RGS6: variants seen among roughly 807,000 people sequenced by gnomAD.
RGS6 encodes the protein regulator of G protein signaling 6.
Under a neutral mutation model 78.5 loss-of-function variants are expected in RGS6, and 30 were observed. The ratio of observed to expected loss-of-function variants is 0.38; its 90% CI spans 0.29 to 0.52. RGS6 has a LOEUF of 0.52. Ranked by LOEUF, RGS6 falls within the 20% of genes least tolerant of loss-of-function variation. The pLI is 0.85. For synonymous variants in RGS6, 206 were observed against 206.0 expected, an observed-to-expected ratio of 1.00 and a Z score of 0.00; for missense variants, 495 against 609.7, an observed-to-expected ratio of 0.81 and a Z score of 1.98.
intron 2 of RGS6, among the ~76,000 whole-genome samples, chr14:71,976,104 A>G (rs1178501212): frequency 6.6e-6 from 1 of 151,140 alleles, no homozygotes; most frequent in Non-Finnish European, 1.5e-5. Context: ...AAACTTCTCT[A>G]TTTTGTCATT....
At chr14:72,010,002 A>C (rs1033002105) in intron 2 of RGS6, among the ~76,000 whole-genome samples, 1 of 152,256 alleles carries the variant, frequency 6.6e-6, no homozygotes, top group African/African-American at 2.4e-5. Flanking sequence ...CAGTGGCAGC[A>C]GCCTGCCTTA....
intron 3 of RGS6, among the ~76,000 whole-genome samples, chr14:72,394,202 T>C (rs1402335067): frequency 1.3e-5 from 2 of 152,066 alleles, no homozygotes; most frequent in Non-Finnish European, 2.9e-5. Context: ...TTTTTAAAGC[T>C]GGGTGTCCGG....
At chr14:72,558,733 G>A (rs923904459) in intron 17 of RGS6, among the ~76,000 whole-genome samples, 2 of 152,206 alleles carry the variant, frequency 1.3e-5, no homozygotes, top group Non-Finnish European at 2.9e-5. Flanking sequence ...CATGGTCCAT[G>A]AAATTGAAGG....
intron 2 of RGS6, among the ~76,000 whole-genome samples, chr14:72,347,546 A>G (rs1432668993): frequency 6.6e-6 from 1 of 152,236 alleles, no homozygotes; most frequent in African/African-American, 2.4e-5. Flanking sequence ...GAACATAAAG[A>G]TGAATCTTTG....
At chr14:72,488,369 C>T (rs2153393760) in intron 12 of RGS6, among the ~76,000 whole-genome samples, 1 of 152,300 alleles carries the variant, frequency 6.6e-6, no homozygotes, top group African/African-American at 2.4e-5. Flanking sequence ...TGCTTAATGC[C>T]TGTTGCAAAG....
At chr14:72,296,925 A>G (rs1376413316) in intron 2 of RGS6, among the ~76,000 whole-genome samples, 1 of 152,138 alleles carries the variant, frequency 6.6e-6, no homozygotes, top group Non-Finnish European at 1.5e-5. Context: ...ATTTATGTCT[A>G]TGATTCATCT....
chr14:72,236,339 C>T (rs2051022148), intron 2 of RGS6, among the ~76,000 whole-genome samples: 1 of 152,114 alleles, frequency 6.6e-6, no homozygotes, highest in Admixed American at 6.5e-5. Flanking sequence ...GAAATCAGTA[C>T]ACTTCACCAC....
rs1555364568 is a variant in RGS6 at position 72,383,213 on chromosome 14, T to TACATATATATAC, written c.184+31022_184+31023insTATATATACACA. On this transcript the variant is annotated intron_variant, in intron 3 of 17. Coordinates refer to ENST00000553525, the MANE Select transcript of RGS6 (RefSeq NM_001204424.2). ...ATATATATATATATATATATATATATACACACAAACACACTAGTATGTGTG... is the reference window on the plus strand; with the variant it reads ...ATATATATATATATATATATATATATACATATATATACACACACAAACACACTAGTATGTGTG... Among the ~76,000 whole-genome samples the TACATATATATAC allele has an allele frequency of 1.4e-4, 17 of 118,338 alleles. 1 individual carries two copies. Among genetic ancestry groups the TACATATATATAC allele is most frequent in the Middle Eastern group, 8.8e-3 (2 of 226 alleles). The allele number at this position is 118,338 out of a possible 152,430, so 77.6% of individuals were successfully genotyped here.
chr14:72,409,452 A>G (rs893925659), intron 3 of RGS6, among the ~76,000 whole-genome samples: 2 of 152,202 alleles, frequency 1.3e-5, no homozygotes, highest in Non-Finnish European at 2.9e-5. Flanking sequence ...TGGTTTGCTT[A>G]CCTAGGAACT....
chr14:72,463,011 C>T (rs1010058186), intron 6 of RGS6, among the ~76,000 whole-genome samples: 13 of 152,154 alleles, frequency 8.5e-5, no homozygotes, highest in African/African-American at 2.4e-4. Flanking sequence ...CATTGAAACT[C>T]GATAAGCTCA....
chr14:72,271,633 C>A lies in RGS6; in HGVS notation c.85-80462C>A, dbSNP rs1915130. Among the ~76,000 whole-genome samples the A allele has an allele frequency of 2.6e-5, 4 of 151,760 alleles. No homozygotes were observed. In the East Asian group the frequency reaches 5.8e-4, roughly 22 times the overall value. ...AACCTGCGATGGATTTGTGAGCAGT[C>A]ATTCCAACTCTGTATTAGTTTTCTA... On this transcript the variant is annotated intron_variant, in intron 2 of 17. Transcript: ENST00000553525.
At chr14:71,906,382 C>T in the RGS6 span, among the ~76,000 whole-genome samples, 1 of 152,206 alleles carries the variant, frequency 6.6e-6, no homozygotes, top group South Asian at 2.1e-4. Context: ...AAGGACTGGT[C>T]TGATCTACTT....
chr14:72,594,731 T>A, the RGS6 span: 3 of 152,138 alleles, frequency 2.0e-5, no homozygotes, highest in Non-Finnish European at 4.4e-5. Context: ...GTTGAATTAA[T>A]TGCCTCTTCA....
At position 72,053,103 on chromosome 14, in the gene RGS6, T is replaced by C. The variant is rs189660110; in HGVS notation, c.84+88228T>C. Among the ~76,000 whole-genome samples, 87 of 68,616 alleles carry C rather than the reference T, an allele frequency of 1.3e-3. 1 individual carries two copies. The highest frequency in any genetic ancestry group is 5.1e-3 in the South Asian group (7 of 1,370). The allele number at this position is 68,616 out of a possible 152,430, so 45.0% of individuals were successfully genotyped here. On this transcript the variant is annotated intron_variant, in intron 2 of 17. Transcript: ENST00000553525. ...TCCCTTCCTTCCTTCCTTCCTTCCTTCCTTCCTTCCTTCCTTCCTTCCTTC... is the reference window on the plus strand; with the variant it reads ...TCCCTTCCTTCCTTCCTTCCTTCCTCCCTTCCTTCCTTCCTTCCTTCCTTC...
At chr14:71,877,993 A>C in the RGS6 span, among the ~76,000 whole-genome samples, 1 of 152,188 alleles carries the variant, frequency 6.6e-6, no homozygotes, top group Non-Finnish European at 1.5e-5. Context: ...AGGCAGCAGA[A>C]CCACAAATAT....
At chr14:72,536,116 T>C in intron 15 of RGS6, 70 bp from the exon 16 acceptor site, 4 of 1,168,630 alleles carry the variant, frequency 3.4e-6, no homozygotes, top group Non-Finnish European at 5.1e-6. Flanking sequence ...CAGTGATCAA[T>C]TGGATTGTAA....
the RGS6 span, among the ~76,000 whole-genome samples, chr14:72,612,913 T>C: frequency 4.7e-4 from 72 of 152,050 alleles, 1 homozygote; most frequent in Non-Finnish European, 9.1e-4. Context: ...TCAGGAAAGA[T>C]GCACCTTGCC....
intron 1 of RGS6, among the ~76,000 whole-genome samples, chr14:71,960,049 C>T (rs759210597): frequency 1.6e-4 from 24 of 152,246 alleles, no homozygotes; most frequent in Non-Finnish European, 2.9e-4. Context: ...TGTTAGCTGC[C>T]GAACCCTAGG....
chr14:72,510,174 G>A lies in RGS6; in HGVS notation c.986G>A (p.Arg329Gln), dbSNP rs148641983. The change falls in exon 14 of 18, where the codon CGA (arginine) becomes CAA (glutamine). Residue 329 changes from arginine (R) to glutamine (Q), a missense_variant. Arg to Gln is a conservative substitution (Grantham distance 43). Coordinates refer to ENST00000553525, the MANE Select transcript of RGS6 (RefSeq NM_001204424.2). ...CAAAGCAAAGAGCCCAGCCAACAGC[G>A]AGTAAAAAGATGGGGCTTCTCTTTC... The part of the protein sequence containing the change: ...IEMSKEPSQQ[R>Q]VKRWGFSFDE... 31 of 1,611,194 alleles carry A rather than the reference G, an allele frequency of 1.9e-5. No individual in the cohort carries two copies. Among genetic ancestry groups the A allele is most frequent in the African/African-American group, 1.9e-4 (14 of 74,666 alleles).
Sources: gnomAD v4.1 joint callset for allele counts (sites outside exome capture counted in the v4.1 genomes callset) on GRCh38, gnomAD v4.1.1 for gene constraint, MANE v1.5 for transcripts, NCBI Gene and HGNC (gene_info 2026-07-23, HGNC 2026-07-21) for gene names.